SCMH1: variants seen among roughly 807,000 people sequenced by gnomAD.
SCMH1 encodes Scm polycomb group protein homolog 1.
SCMH1 carries 37 observed loss-of-function variants against 70.8 expected under a neutral mutation model. That is an observed-to-expected ratio of 0.52 (90% CI 0.40 to 0.69). The LOEUF (loss-of-function observed/expected upper bound fraction) is 0.69, where lower values mean the gene tolerates loss of function less well. Ranked by LOEUF, SCMH1 falls within the 30% of genes least tolerant of loss-of-function variation. SCMH1 has a pLI of 0.00. For synonymous variants in SCMH1, 292 were observed against 307.4 expected (o/e 0.95, Z 0.52); for missense variants, 607 against 827.3 (o/e 0.73, Z 3.27).
At chr1:41,193,906 T>C (rs759669421) in intron 1 of SCMH1, among the ~76,000 whole-genome samples, 5 of 152,236 alleles carry the variant, frequency 3.3e-5, no homozygotes, top group Non-Finnish European at 5.9e-5. Context: ...TAAAGGGGTT[T>C]TAACACTTTT....
At position 41,113,018 on chromosome 1, in the gene SCMH1, C is replaced by T. The variant is rs1313542105; in HGVS notation, c.745+265G>A. Among the ~76,000 whole-genome samples, 2 of 152,190 alleles carry T rather than the reference C, an allele frequency of 1.3e-5. No homozygotes were observed. The highest frequency in any genetic ancestry group is 4.8e-5 in the African/African-American group (2 of 41,450). On this transcript the variant is annotated intron_variant, in intron 8 of 14. Transcript: ENST00000337495. The surrounding 1 kb of genome is among the most constrained non-coding windows in gnomAD (Gnocchi z 4.3). Reference sequence around the variant, plus strand: ...GGACAAAAGTAAGAGAGATGAAAAGCTGGTTGCCTGAGAATAAACCAGGAT... The same window carrying T: ...GGACAAAAGTAAGAGAGATGAAAAGTTGGTTGCCTGAGAATAAACCAGGAT...
chr1:41,054,501 G>A (rs1054029369), intron 10 of SCMH1, among the ~76,000 whole-genome samples: 1 of 152,070 alleles, frequency 6.6e-6, no homozygotes, highest in Non-Finnish European at 1.5e-5. Context: ...AAAGGATTTC[G>A]ACTCTAGAAA....
At chr1:41,075,490 C>A (rs368537979) in intron 8 of SCMH1, 39 bp from the exon 9 acceptor site, 50 of 1,539,762 alleles carry the variant, frequency 3.2e-5, no homozygotes, top group Non-Finnish European at 4.1e-5. Context: ...CTCCCTCCCC[C>A]CTGCATTCTC....
chr1:41,124,191 T>C (rs949782762), intron 6 of SCMH1, among the ~76,000 whole-genome samples: 1 of 152,198 alleles, frequency 6.6e-6, no homozygotes, highest in Non-Finnish European at 1.5e-5. Context: ...TTCATCTACA[T>C]ATATTAATGC....
At chr1:41,216,766 C>T (rs1464015915) in intron 1 of SCMH1, among the ~76,000 whole-genome samples, 2 of 152,146 alleles carry the variant, frequency 1.3e-5, no homozygotes, top group Non-Finnish European at 1.5e-5. Flanking sequence ...TGTTTTGCAC[C>T]GATGACTATA....
At chr1:41,161,589 T>G in intron 2 of SCMH1, 157 bp from the exon 3 acceptor site, 1 of 800,874 alleles carries the variant, frequency 1.2e-6, no homozygotes, top group Non-Finnish European at 1.8e-6. Flanking sequence ...AAAGGTTTTA[T>G]GTAAAAAGCC....
exon 9 of SCMH1, chr1:41,075,271 G>A (rs1461285647): frequency 6.2e-7 from 1 of 1,614,188 alleles, no homozygotes; most frequent in Admixed American, 1.7e-5. Context: ...AGGTTCAGCT[G>A]TCTTGGATGG....
chr1:41,138,507 A>G lies in SCMH1; in HGVS notation c.412+4371T>C, dbSNP rs964628977. Among the ~76,000 whole-genome samples the G allele has an allele frequency of 2.3e-4, 35 of 152,006 alleles. 1 individual carries two copies. The highest frequency in any genetic ancestry group is 9.2e-4 in the Admixed American group (14 of 15,286). On this transcript the variant is annotated intron_variant, in intron 6 of 14. Coordinates refer to ENST00000337495, the Ensembl canonical transcript of SCMH1. ...TACTTTTTAACCTTTTCTAATATTT[A>G]TTTTTATTCTCTTGGCTTTTTATTT...
chr1:41,151,493 A>G, intron 5 of SCMH1, 121 bp downstream of exon 5: 1 of 629,762 alleles, frequency 1.6e-6, no homozygotes, highest in South Asian at 2.5e-5. Context: ...CTTCCCATAG[A>G]AGTTTATTCT....
intron 2 of SCMH1, chr1:41,162,714 G>A (rs1014815420): frequency 2.6e-5 from 4 of 152,192 alleles, no homozygotes; most frequent in Admixed American, 6.5e-5. Flanking sequence ...AAGATGGGAT[G>A]ACCAGCTGCA....
intron 9 of SCMH1, among the ~76,000 whole-genome samples, chr1:41,074,121 C>A (rs113872986): frequency 6.7e-6 from 1 of 150,348 alleles, no homozygotes; most frequent in Non-Finnish European, 1.5e-5. Flanking sequence ...GGAAGATACC[C>A]ATGAAAAACA....
At chr1:41,176,983 C>G (rs1282788333) in intron 2 of SCMH1, among the ~76,000 whole-genome samples, 1 of 152,206 alleles carries the variant, frequency 6.6e-6, no homozygotes, top group African/African-American at 2.4e-5. Flanking sequence ...AGTAGCCTAA[C>G]TGGGAGGCAC....
intron 14 of SCMH1, 58 bp from the exon 16 acceptor site, chr1:41,028,377 G>A: frequency 6.2e-7 from 1 of 1,601,940 alleles, no homozygotes; most frequent in Non-Finnish European, 8.5e-7. Context: ...GTCCTGGTTG[G>A]TCTGACCACC....
At chr1:41,068,308 C>T (rs991744239) in intron 10 of SCMH1, among the ~76,000 whole-genome samples, 59 of 151,984 alleles carry the variant, frequency 3.9e-4, no homozygotes, top group Non-Finnish European at 2.8e-4. Flanking sequence ...AACAGAGATA[C>T]GACTATTACA....
intron 1 of SCMH1, among the ~76,000 whole-genome samples, chr1:41,202,850 G>C (rs1000803686): frequency 6.6e-6 from 1 of 152,070 alleles, no homozygotes; most frequent in Non-Finnish European, 1.5e-5. Context: ...CCAGGGTCTA[G>C]AACAGTGCTA....
intron 2 of SCMH1, among the ~76,000 whole-genome samples, chr1:41,167,222 G>C (rs564418761): frequency 3.3e-5 from 5 of 152,004 alleles, no homozygotes; most frequent in African/African-American, 1.2e-4. Context: ...TACGGAATAT[G>C]GTTTCTTAGT....
At chr1:41,177,352 C>T (rs2148562694) in intron 2 of SCMH1, among the ~76,000 whole-genome samples, 1 of 152,308 alleles carries the variant, frequency 6.6e-6, no homozygotes, top group East Asian at 1.9e-4. Context: ...TCCAAAGGAA[C>T]ACAGCTCCCC....
intron 8 of SCMH1, among the ~76,000 whole-genome samples, chr1:41,095,377 T>C (rs1312395190): frequency 6.6e-6 from 1 of 152,180 alleles, no homozygotes; most frequent in Non-Finnish European, 1.5e-5. Context: ...TGTGCAGTCT[T>C]TTTCCTAGGG....
In SCMH1 at chr1:41,098,806, C is replaced by A. The variant is rs185698962; in HGVS notation, c.745+14477G>T. On this transcript the variant is annotated intron_variant, in intron 8 of 14. Coordinates refer to ENST00000337495, the Ensembl canonical transcript of SCMH1. The stretch of plus-strand genomic sequence containing the variant: ...CGCCAGCCCACAAATGTACATGTCA[C>A]CAACCTGGCAGCCCAAGACACTACA... 6.1e-4 allele frequency: 87 copies of A among 142,596 alleles called. 1 individual carries two copies. The East Asian group carries it at 0.017, about 28-fold the overall frequency. 8.8% of individuals were successfully genotyped at this position (142,596 alleles called of 1,614,324 possible).
Sources: gnomAD v4.1 joint callset for allele counts (sites outside exome capture counted in the v4.1 genomes callset) on GRCh38, gnomAD v4.1.1 for gene constraint, Gnocchi (gnomAD v3.1) non-coding constraint, MANE v1.5 for transcripts, NCBI Gene and HGNC (gene_info 2026-07-23, HGNC 2026-07-21) for gene names.